ABTB3: variants seen among roughly 807,000 people sequenced by gnomAD.
ABTB3 encodes ankyrin repeat and BTB domain containing 3.
the ABTB3 span, among the ~76,000 whole-genome samples, chr12:107,441,990 GGTAT>G: frequency 6.6e-6 from 1 of 152,042 alleles, no homozygotes; most frequent in African/African-American, 2.4e-5. Flanking sequence ...TGGTATCTGG[GGTAT>G]GTGCTTAGAA....
At chr12:107,505,292 G>A in the ABTB3 span, among the ~76,000 whole-genome samples, 1 of 152,188 alleles carries the variant, frequency 6.6e-6, no homozygotes, top group East Asian at 1.9e-4. Flanking sequence ...CTTTCAGAAA[G>A]GAGACGTAAT....
At chr12:107,543,618 C>CAAGG in the ABTB3 span, among the ~76,000 whole-genome samples, 9 of 152,050 alleles carry the variant, frequency 5.9e-5, no homozygotes, top group African/African-American at 1.9e-4. Context: ...TGTCACAGGG[C>CAAGG]GAGGGAGGCA....
chr12:107,547,925 G>T, the ABTB3 span, among the ~76,000 whole-genome samples: 1 of 152,154 alleles, frequency 6.6e-6, no homozygotes, highest in African/African-American at 2.4e-5. Context: ...TACTTTTTGG[G>T]CTCTAAAATG....
At chr12:107,358,404 T>G in the ABTB3 span, among the ~76,000 whole-genome samples, 1 of 152,102 alleles carries the variant, frequency 6.6e-6, no homozygotes, top group South Asian at 2.1e-4. Context: ...TAGGAATGTG[T>G]CTGGTGTGTT....
chr12:107,494,997 G>C, the ABTB3 span, among the ~76,000 whole-genome samples: 1 of 152,210 alleles, frequency 6.6e-6, no homozygotes, highest in Admixed American at 6.5e-5. Flanking sequence ...AGAGAGCCAG[G>C]GAAATGCAGG....
the ABTB3 span, among the ~76,000 whole-genome samples, chr12:107,576,435 T>A: frequency 2.0e-5 from 3 of 152,334 alleles, no homozygotes; most frequent in African/African-American, 7.2e-5. Context: ...TTGGCGTGCA[T>A]GGCCACCCTC....
the ABTB3 span, among the ~76,000 whole-genome samples, chr12:107,651,223 GC>G: frequency 6.6e-6 from 1 of 152,204 alleles, no homozygotes; most frequent in Non-Finnish European, 1.5e-5. Flanking sequence ...CATCTGGTGT[GC>G]TGTGACTCTG....
the ABTB3 span, among the ~76,000 whole-genome samples, chr12:107,387,225 G>A: frequency 3.3e-5 from 5 of 152,172 alleles, no homozygotes; most frequent in East Asian, 1.9e-4. Flanking sequence ...TGATCCACCC[G>A]CCTCAGCCTC....
the ABTB3 span, among the ~76,000 whole-genome samples, chr12:107,432,189 C>G: frequency 6.6e-6 from 1 of 152,168 alleles, no homozygotes; most frequent in Non-Finnish European, 1.5e-5. Context: ...CCTCCCTCCA[C>G]CCACTTCTTC....
At chr12:107,389,846 T>TGTGTGTGTGTGTGTG in the ABTB3 span, among the ~76,000 whole-genome samples, 10 of 141,474 alleles carry the variant, frequency 7.1e-5, no homozygotes, top group African/African-American at 2.1e-4. Context: ...GTGTGTGTGT[T>TGTGTGTGTGTGTGTG]TGTGTGTGTG....
At chr12:107,590,734 T>C in the ABTB3 span, among the ~76,000 whole-genome samples, 1 of 152,180 alleles carries the variant, frequency 6.6e-6, no homozygotes, top group African/African-American at 2.4e-5. Context: ...TTAAATAGCA[T>C]TTGAGGCTTG....
At chr12:107,413,327 G>T in the ABTB3 span, among the ~76,000 whole-genome samples, 1 of 152,114 alleles carries the variant, frequency 6.6e-6, no homozygotes, top group African/African-American at 2.4e-5. Flanking sequence ...CTTAATCCAT[G>T]ACGACTAAGA....
chr12:107,522,741 GGGAA>G, the ABTB3 span, among the ~76,000 whole-genome samples: 24 of 144,800 alleles, frequency 1.7e-4, no homozygotes, highest in Admixed American at 2.9e-4. Flanking sequence ...GAGGGAAGGA[GGGAA>G]GGAAGGAAGG....
At chr12:107,466,386 A>G in the ABTB3 span, among the ~76,000 whole-genome samples, 2 of 152,068 alleles carry the variant, frequency 1.3e-5, no homozygotes, top group African/African-American at 2.4e-5. Flanking sequence ...CCAGAAGGGG[A>G]CATTTAAAAC....
the ABTB3 span, among the ~76,000 whole-genome samples, chr12:107,356,646 C>T: frequency 1.3e-5 from 2 of 152,226 alleles, no homozygotes; most frequent in Non-Finnish European, 2.9e-5. Context: ...TAAAAATGTT[C>T]CACCCTGTGT....
the ABTB3 span, chr12:107,635,212 C>A: frequency 8.7e-4 from 1,159 of 1,331,084 alleles, 7 homozygotes; most frequent in African/African-American, 0.014. Flanking sequence ...TGGAGGGACG[C>A]ATTCCTGGGG....
the ABTB3 span, among the ~76,000 whole-genome samples, chr12:107,369,951 G>C: frequency 6.6e-6 from 1 of 151,998 alleles, no homozygotes; most frequent in Non-Finnish European, 1.5e-5. Flanking sequence ...TTACAGCCAC[G>C]TGAACTTGAA....
chr12:107,490,780 T>C, the ABTB3 span, among the ~76,000 whole-genome samples: 1 of 152,170 alleles, frequency 6.6e-6, no homozygotes, highest in African/African-American at 2.4e-5. Context: ...TCTCCATCTA[T>C]AACAGAGGAT....
At chr12:107,476,932 G>C in the ABTB3 span, among the ~76,000 whole-genome samples, 1 of 152,186 alleles carries the variant, frequency 6.6e-6, no homozygotes, top group African/African-American at 2.4e-5. Flanking sequence ...TATTCATATA[G>C]GTGCTCAATA....
Sources: allele counts gnomAD v4.1 joint callset (sites outside exome capture counted in the v4.1 genomes callset), GRCh38; gene constraint gnomAD v4.1.1; transcripts MANE v1.5; gene names NCBI Gene and HGNC (gene_info 2026-07-23, HGNC 2026-07-21).